PDE4D: variants seen among roughly 807,000 people sequenced by gnomAD.
PDE4D encodes the protein 3',5'-cyclic-AMP phosphodiesterase 4D.
In PDE4D, 24 loss-of-function variants were observed where a neutral mutation model predicts 87.4. The ratio of observed to expected loss-of-function variants is 0.27; its 90% CI spans 0.20 to 0.39. The LOEUF (loss-of-function observed/expected upper bound fraction) is 0.39, where lower values mean the gene tolerates loss of function less well. PDE4D is among the 10% of genes least tolerant of loss of function. The pLI is 1.00. For synonymous variants in PDE4D, 384 were observed against 383.2 expected, an observed-to-expected ratio of 1.00 and a Z score of -0.02; for missense variants, 714 against 1,041.0, an observed-to-expected ratio of 0.69 and a Z score of 4.32.
At chr5:58,991,287 T>TCAAAACAAA (rs917644139) in intron 8 of PDE4D, among the ~76,000 whole-genome samples, 1 of 84,202 alleles carries the variant, frequency 1.2e-5, no homozygotes, top group Non-Finnish European at 2.8e-5. Flanking sequence ...AGACTATGTC[T>TCAAAACAAA]CAAAACAAAC....
chr5:59,914,571 C>CAT (rs1753807844), intron 3 of PDE4D, among the ~76,000 whole-genome samples: 2 of 130,710 alleles, frequency 1.5e-5, no homozygotes, highest in African/African-American at 5.5e-5. Flanking sequence ...TGTGCATGTG[C>CAT]GTGTGTGTGT....
intron 2 of PDE4D, among the ~76,000 whole-genome samples, chr5:60,106,106 G>C (rs1329656433): frequency 6.6e-6 from 1 of 151,910 alleles, no homozygotes; most frequent in Admixed American, 6.6e-5. Context: ...CTGTATTCAG[G>C]AAACCCATCT....
At position 59,788,595 on chromosome 5, in the gene PDE4D, G is replaced by A. The variant is rs1053991052; in HGVS notation, c.455+104573C>T. ...GCTGCTTGACTCCCTGGGTAACAATGAGACCTAATAAGCCTTGGGGAGTCC... is the reference window on the plus strand; with the variant it reads ...GCTGCTTGACTCCCTGGGTAACAATAAGACCTAATAAGCCTTGGGGAGTCC... On this transcript the variant is annotated intron_variant, in intron 1 of 14. Coordinates refer to ENST00000340635, the MANE Select transcript of PDE4D (RefSeq NM_001104631.2). Among the ~76,000 whole-genome samples, 14 of 152,226 alleles carry A rather than the reference G, an allele frequency of 9.2e-5. No individual in the cohort carries two copies. In the East Asian group the frequency reaches 1.5e-3, roughly 17 times the overall value.
intron 1 of PDE4D, among the ~76,000 whole-genome samples, chr5:59,280,816 A>AT (rs1388319512): frequency 6.6e-6 from 1 of 151,336 alleles, no homozygotes; most frequent in South Asian, 2.1e-4. Flanking sequence ...CCCAGTGGGG[A>AT]TTTTTTTTGC....
intron 1 of PDE4D, among the ~76,000 whole-genome samples, chr5:59,332,500 T>C (rs903987442): frequency 1.8e-4 from 28 of 152,268 alleles, no homozygotes; most frequent in African/African-American, 6.5e-4. Context: ...CAAGATTTAC[T>C]CTGTATTTGA....
chr5:59,420,278 A>T (rs1794268553), intron 1 of PDE4D, among the ~76,000 whole-genome samples: 1 of 152,144 alleles, frequency 6.6e-6, no homozygotes, highest in Non-Finnish European at 1.5e-5. Context: ...TTGTAACCCA[A>T]ATCCTAGTCT....
Position 59,468,483 on chromosome 5 carries a change from A to G in PDE4D, c.456-252515T>C, listed in dbSNP as rs896782783. On this transcript the variant is annotated intron_variant, in intron 1 of 14. Coordinates refer to ENST00000340635, the MANE Select transcript of PDE4D (RefSeq NM_001104631.2). ...GGGAAAGATTAAAGTATATTCATGG[A>G]GATGCTTGATGTCTTGACAAAGCAC... 2.0e-5 allele frequency among the ~76,000 whole-genome samples: 3 copies of G among 152,316 alleles called. No homozygotes were observed. In the South Asian group the frequency reaches 6.2e-4, roughly 32 times the overall value.
At chr5:60,109,555 T>A (rs1303281384) in intron 2 of PDE4D, among the ~76,000 whole-genome samples, 1 of 151,708 alleles carries the variant, frequency 6.6e-6, no homozygotes, top group African/African-American at 2.4e-5. Context: ...TAAAGACACA[T>A]GCACACGTAT....
intron 5 of PDE4D, among the ~76,000 whole-genome samples, chr5:59,115,211 T>A (rs758285523): frequency 3.0e-4 from 46 of 152,152 alleles, no homozygotes; most frequent in Non-Finnish European, 6.5e-4. Flanking sequence ...GAGCAAAATA[T>A]AATTTTGTAT....
rs118170715 is a variant in PDE4D, at chr5:59,972,042, C to T, written c.272+16446G>A. Among the ~76,000 whole-genome samples the T allele has an allele frequency of 4.1e-3, 619 of 152,270 alleles. 22 individuals carry two copies. The East Asian group carries it at 0.086, about 21-fold the overall frequency. On this transcript the variant is annotated intron_variant, in intron 3 of 16. Coordinates refer to the PDE4D transcript ENST00000502484. ...CTGCTGGGCACACACTGCTCTTCGC[C>T]ACACTGTCAGCAGCTACAACAGATG...
intron 1 of PDE4D, among the ~76,000 whole-genome samples, chr5:60,348,162 G>T (rs1261398142): frequency 6.6e-6 from 1 of 152,072 alleles, no homozygotes; most frequent in African/African-American, 2.4e-5. Flanking sequence ...AATTCAGGGT[G>T]AATATAGGGT....
intron 1 of PDE4D, among the ~76,000 whole-genome samples, chr5:59,890,589 G>T (rs1035518413): frequency 5.9e-5 from 9 of 152,074 alleles, no homozygotes; most frequent in African/African-American, 2.2e-4. Flanking sequence ...AGTATCAGTC[G>T]ATATAAACTT....
At chr5:59,089,540 T>C (rs1485159059) in intron 5 of PDE4D, among the ~76,000 whole-genome samples, 1 of 152,142 alleles carries the variant, frequency 6.6e-6, no homozygotes, top group African/African-American at 2.4e-5. Context: ...CTTAGATCTA[T>C]TTGATAGCTG....
chr5:60,071,688 C>T (rs904316711), intron 2 of PDE4D, among the ~76,000 whole-genome samples: 70 of 151,944 alleles, frequency 4.6e-4, no homozygotes, highest in African/African-American at 1.4e-3. Flanking sequence ...TATTTTGTCA[C>T]CCAGTTGCTA....
intron 6 of PDE4D, among the ~76,000 whole-genome samples, chr5:59,014,961 T>C (rs1431551678): frequency 6.6e-6 from 1 of 152,104 alleles, no homozygotes; most frequent in Non-Finnish European, 1.5e-5. Flanking sequence ...CCCTCAGAAA[T>C]AATACCACAT....
chr5:60,140,213 C>T (rs549694759), intron 2 of PDE4D, among the ~76,000 whole-genome samples: 4 of 151,886 alleles, frequency 2.6e-5, no homozygotes, highest in Admixed American at 6.6e-5. Flanking sequence ...CATGAACTAT[C>T]GTATATGTTC....
chr5:59,758,539 C>G (rs1012739858), intron 1 of PDE4D, among the ~76,000 whole-genome samples: 1 of 152,140 alleles, frequency 6.6e-6, no homozygotes, highest in African/African-American at 2.4e-5. Flanking sequence ...TGCTTATTTA[C>G]AGTAGAAGAG....
At chr5:60,517,304 T>G (rs1364526850) in intron 1 of PDE4D, among the ~76,000 whole-genome samples, 2 of 152,188 alleles carry the variant, frequency 1.3e-5, no homozygotes, top group East Asian at 1.9e-4. Context: ...TGGGTGCCAG[T>G]GCAGCAGGTT....
In PDE4D at chr5:59,630,634, A is replaced by G. The variant is rs944465694; in HGVS notation, c.455+262534T>C. ...TGTTTGCCCAAATGAGAATGGCTTT[A>G]TAGAAATGTTCTAAATATGGCCTGA... On this transcript the variant is annotated intron_variant, in intron 1 of 14. Transcript: ENST00000340635. Among the ~76,000 whole-genome samples, 3 of 152,232 alleles carry G rather than the reference A, an allele frequency of 2.0e-5. No individual in the cohort carries two copies. The South Asian group carries it at 6.2e-4, about 32-fold the overall frequency.
Sources: allele counts gnomAD v4.1 joint callset (sites outside exome capture counted in the v4.1 genomes callset), GRCh38; gene constraint gnomAD v4.1.1; transcripts MANE v1.5; gene names NCBI Gene and HGNC (gene_info 2026-07-23, HGNC 2026-07-21).